ADGRL2: variants seen among roughly 807,000 people sequenced by gnomAD.
ADGRL2 encodes the protein adhesion G protein-coupled receptor L2.
A neutral mutation model predicts 157.4 loss-of-function variants in ADGRL2; 44 were observed. The observed-to-expected ratio is 0.28, with a 90% CI of 0.22 to 0.36. The LOEUF (loss-of-function observed/expected upper bound fraction) is 0.36, where lower values mean the gene tolerates loss of function less well. Ranked by LOEUF, ADGRL2 falls within the 10% of genes least tolerant of loss-of-function variation. The pLI, the probability that ADGRL2 is intolerant of heterozygous loss-of-function variation, is 1.00. For synonymous variants in ADGRL2, 585 were observed against 624.7 expected, an observed-to-expected ratio of 0.94 and a Z score of 0.95; for missense variants, 1,510 against 1,768.9, an observed-to-expected ratio of 0.85 and a Z score of 2.63.
chr1:81,738,674 C>T (rs1035728218), intron 1 of ADGRL2, among the ~76,000 whole-genome samples: 13 of 152,314 alleles, frequency 8.5e-5, no homozygotes, highest in South Asian at 4.1e-4. Flanking sequence ...AGTTTGGCCT[C>T]TCCCTATTCC....
At chr1:81,621,562 A>G (rs541594188) in intron 3 of ADGRL2, among the ~76,000 whole-genome samples, 2 of 152,286 alleles carry the variant, frequency 1.3e-5, no homozygotes, top group Non-Finnish European at 2.9e-5. Context: ...CAGAGCTCTC[A>G]GTTACACAGC....
At chr1:81,415,695 A>G (rs1306074761) in intron 1 of ADGRL2, among the ~76,000 whole-genome samples, 1 of 152,228 alleles carries the variant, frequency 6.6e-6, no homozygotes, top group Non-Finnish European at 1.5e-5. Context: ...GTGGGTGACC[A>G]TCTGCGATAA....
Position 81,385,349 on chromosome 1 carries a change from T to G in ADGRL2, c.-301-59687T>G, listed in dbSNP as rs145677714. ...GGCTGTATTTTCCAAAGTTGTAATA[T>G]ATTCCAAAGGCTGCATAAAATGAGG... On this transcript the variant is annotated intron_variant, in intron 1 of 24. Coordinates refer to the ADGRL2 transcript ENST00000370721. Among the ~76,000 whole-genome samples, 341 of 152,196 alleles carry G rather than the reference T, an allele frequency of 2.2e-3. 6 individuals are homozygous for G. In the East Asian group the frequency reaches 0.025, roughly 11 times the overall value.
At chr1:81,416,894 G>A (rs755860116) in intron 1 of ADGRL2, among the ~76,000 whole-genome samples, 14 of 152,142 alleles carry the variant, frequency 9.2e-5, no homozygotes, top group Non-Finnish European at 1.9e-4. Flanking sequence ...AACAGGTTCT[G>A]AAATTAATTA....
intron 3 of ADGRL2, among the ~76,000 whole-genome samples, chr1:81,932,723 C>T (rs952543298): frequency 1.3e-5 from 2 of 151,904 alleles, no homozygotes; most frequent in Non-Finnish European, 2.9e-5. Context: ...GACGGAGTTT[C>T]ACTCTTGTTG....
intron 11 of ADGRL2, among the ~76,000 whole-genome samples, chr1:81,963,436 C>A (rs1271710995): frequency 6.6e-6 from 1 of 151,906 alleles, no homozygotes; most frequent in Non-Finnish European, 1.5e-5. Flanking sequence ...CTAAATAAAA[C>A]CTGTGACAGA....
intron 3 of ADGRL2, among the ~76,000 whole-genome samples, chr1:81,611,995 C>A (rs113454608): frequency 0.012 from 1,787 of 152,208 alleles, 29 homozygotes; most frequent in African/African-American, 0.039. Flanking sequence ...CCCTTCGCCT[C>A]CTGCCATGAT....
At chr1:81,664,718 A>T (rs574916110) in intron 3 of ADGRL2, among the ~76,000 whole-genome samples, 3 of 152,166 alleles carry the variant, frequency 2.0e-5, no homozygotes, top group Non-Finnish European at 2.9e-5. Flanking sequence ...TTTTTATTTT[A>T]GTCTACAAAT....
chr1:81,804,447 A>G (rs2088803204), intron 1 of ADGRL2, among the ~76,000 whole-genome samples: 1 of 152,218 alleles, frequency 6.6e-6, no homozygotes, highest in Admixed American at 6.5e-5. Context: ...TCTTAGCTTT[A>G]GCTCAATTGA....
At chr1:81,933,318 T>C (rs1242476951) in intron 3 of ADGRL2, among the ~76,000 whole-genome samples, 1 of 152,226 alleles carries the variant, frequency 6.6e-6, no homozygotes, top group Non-Finnish European at 1.5e-5. Context: ...TTGTAGGTTA[T>C]TAACGTAATA....
At chr1:81,369,319 G>GA (rs1171953445) in intron 1 of ADGRL2, among the ~76,000 whole-genome samples, 2 of 152,136 alleles carry the variant, frequency 1.3e-5, no homozygotes, top group East Asian at 3.9e-4. Flanking sequence ...TTATAGACTT[G>GA]AAAAAATACA....
At chr1:81,663,287 G>A (rs866495534) in intron 3 of ADGRL2, among the ~76,000 whole-genome samples, 3 of 152,046 alleles carry the variant, frequency 2.0e-5, no homozygotes, top group South Asian at 2.1e-4. Context: ...GTAGCACCAG[G>A]AGATTACCTG....
chr1:81,313,163 T>C (rs772487078), intron 1 of ADGRL2, among the ~76,000 whole-genome samples: 10 of 152,176 alleles, frequency 6.6e-5, no homozygotes, highest in Non-Finnish European at 1.3e-4. Context: ...CAGACATAAG[T>C]ATTTAAATGT....
At chr1:81,900,377 A>G (rs2094464426) in intron 2 of ADGRL2, among the ~76,000 whole-genome samples, 2 of 152,084 alleles carry the variant, frequency 1.3e-5, no homozygotes, top group Non-Finnish European at 2.9e-5. Flanking sequence ...CAATCCCTCC[A>G]TCTCTTACTC....
At chr1:81,739,467 G>A (rs2085004262) in intron 1 of ADGRL2, among the ~76,000 whole-genome samples, 1 of 152,140 alleles carries the variant, frequency 6.6e-6, no homozygotes, top group South Asian at 2.1e-4. Flanking sequence ...CAGCTTACTC[G>A]AGAAAATGCC....
At chr1:81,628,871 C>A (rs1448710037) in intron 3 of ADGRL2, among the ~76,000 whole-genome samples, 1 of 152,142 alleles carries the variant, frequency 6.6e-6, no homozygotes, top group Non-Finnish European at 1.5e-5. Flanking sequence ...TATTAGATTT[C>A]TTTACTTCTC....
rs139937984 is a variant in ADGRL2, at chr1:81,535,957, C to G, written c.-247-44919C>G. 2.6e-5 allele frequency among the ~76,000 whole-genome samples: 4 copies of G among 152,234 alleles called. No homozygotes were observed. The East Asian group carries it at 7.7e-4, about 29-fold the overall frequency. On this transcript the variant is annotated intron_variant, in intron 2 of 24. Coordinates refer to the ADGRL2 transcript ENST00000370721. ...TTCCAGACATAATTTGTAAAATTTC[C>G]TAACTGCACATACAAACAGTGTAAA...
At chr1:81,410,685 G>C (rs1383133115) in intron 1 of ADGRL2, among the ~76,000 whole-genome samples, 1 of 152,194 alleles carries the variant, frequency 6.6e-6, no homozygotes, top group Non-Finnish European at 1.5e-5. Flanking sequence ...ACAAAGATTT[G>C]TATAGTATTA....
intron 3 of ADGRL2, among the ~76,000 whole-genome samples, chr1:81,626,399 G>A (rs1017675049): frequency 1.3e-5 from 2 of 152,066 alleles, no homozygotes; most frequent in Non-Finnish European, 1.5e-5. Flanking sequence ...TCAACCTCCC[G>A]GGCTCAAGCA....
Sources: gnomAD v4.1 joint callset for allele counts (sites outside exome capture counted in the v4.1 genomes callset) on GRCh38, gnomAD v4.1.1 for gene constraint, MANE v1.5 for transcripts, NCBI Gene and HGNC (gene_info 2026-07-23, HGNC 2026-07-21) for gene names.